The following NRCAM variants were observed in gnomAD, a reference collection of about 807,000 sequenced individuals.
NRCAM encodes NgCAM-related cell adhesion molecule.
In NRCAM, 83 loss-of-function variants were observed where a neutral mutation model predicts 156.5. The ratio of observed to expected loss-of-function variants is 0.53; its 90% CI spans 0.44 to 0.64. NRCAM has a LOEUF of 0.64. Ranked by LOEUF, NRCAM falls within the 30% of genes least tolerant of loss-of-function variation. The pLI, the probability that NRCAM is intolerant of heterozygous loss-of-function variation, is 0.00. For missense variants in NRCAM, 1,417 were observed against 1,597.3 expected (o/e 0.89, Z 1.92); for synonymous variants, 538 against 563.9 (o/e 0.95, Z 0.65).
chr7:108,265,797 T>C (rs2097082296), intron 3 of NRCAM, among the ~76,000 whole-genome samples: 1 of 152,238 alleles, frequency 6.6e-6, no homozygotes, highest in Non-Finnish European at 1.5e-5. Flanking sequence ...TCTTTAAGAA[T>C]TAACTGGCAC....
intron 29 of NRCAM, 139 bp downstream of exon 29, chr7:108,168,138 A>T: frequency 1.1e-6 from 1 of 925,326 alleles, no homozygotes; most frequent in Non-Finnish European, 1.5e-6. Flanking sequence ...GTTCACTATA[A>T]TTTTTTTAGA....
At chr7:108,344,932 G>A (rs975217238) in intron 2 of NRCAM, among the ~76,000 whole-genome samples, 2 of 152,106 alleles carry the variant, frequency 1.3e-5, no homozygotes, top group Admixed American at 6.5e-5. Flanking sequence ...ATGAAGTCAA[G>A]GATAAGGGGG....
chr7:108,193,964 T>C (rs2073689914), intron 17 of NRCAM, 60 bp downstream of exon 17: 7 of 1,538,194 alleles, frequency 4.6e-6, no homozygotes, highest in Non-Finnish European at 4.4e-6. Context: ...AGTAGACCTT[T>C]AGTTCAAGAA....
At chr7:108,360,528 G>A (rs113961507) in intron 2 of NRCAM, among the ~76,000 whole-genome samples, 37 of 152,160 alleles carry the variant, frequency 2.4e-4, no homozygotes, top group African/African-American at 8.9e-4. Flanking sequence ...AAGAGACCCA[G>A]AATAGCCAAA....
rs1211541432 is a variant in NRCAM, at chr7:108,180,419, A to G, written c.2655T>C (p.Tyr885=). The G allele has an allele frequency of 6.2e-7, 1 of 1,613,962 alleles. No homozygotes were observed. The highest frequency in any genetic ancestry group is 1.3e-5 in the African/African-American group (1 of 75,064). Residue 885 remains tyrosine, a synonymous_variant, in exon 25 of 33, where the codon TAT becomes TAC. Coordinates refer to ENST00000379028, the MANE Select transcript of NRCAM (RefSeq NM_001037132.4). The part of the protein sequence containing the change: ...RGHLQGYRIY[Y]WKTQSSSKRN... Reference sequence around the variant, plus strand: ...TTTTAGATGAACTCTGGGTCTTCCAATAGTAAATCTGAAACAGCAAGAACG... The same window carrying G: ...TTTTAGATGAACTCTGGGTCTTCCAGTAGTAAATCTGAAACAGCAAGAACG...
intron 32 of NRCAM, chr7:108,156,482 C>G: frequency 1.1e-6 from 1 of 944,946 alleles, no homozygotes; most frequent in Non-Finnish European, 1.3e-6. Flanking sequence ...AAGAAAGCTG[C>G]AGGCTTCCAA....
intron 2 of NRCAM, among the ~76,000 whole-genome samples, chr7:108,351,948 GA>G (rs924033681): frequency 2.2e-4 from 33 of 152,326 alleles, no homozygotes; most frequent in African/African-American, 7.7e-4. Flanking sequence ...AGAATGCAGA[GA>G]CATCTGTGCT....
intron 31 of NRCAM, among the ~76,000 whole-genome samples, chr7:108,159,827 T>C (rs569976310): frequency 1.2e-4 from 19 of 152,336 alleles, no homozygotes; most frequent in African/African-American, 4.1e-4. Flanking sequence ...AATCTATTTG[T>C]TAACTATATT....
intron 1 of NRCAM, among the ~76,000 whole-genome samples, chr7:108,437,251 G>A (rs780511561): frequency 2.0e-5 from 3 of 152,114 alleles, no homozygotes; most frequent in East Asian, 3.8e-4. Flanking sequence ...GAAAGTAGGA[G>A]GATGGTTACC....
At chr7:108,386,044 G>A (rs560082131) in intron 2 of NRCAM, among the ~76,000 whole-genome samples, 107 of 152,144 alleles carry the variant, frequency 7.0e-4, no homozygotes, top group African/African-American at 2.3e-3. Context: ...CCTCAGTTCC[G>A]CTTGGTTTCT....
At chr7:108,268,867 A>T (rs1253702586) in intron 3 of NRCAM, among the ~76,000 whole-genome samples, 4 of 152,244 alleles carry the variant, frequency 2.6e-5, no homozygotes, top group Non-Finnish European at 5.9e-5. Flanking sequence ...TACTCTTCTT[A>T]CATGCATGGC....
chr7:108,343,573 T>C (rs189833723), intron 2 of NRCAM, among the ~76,000 whole-genome samples: 60 of 152,274 alleles, frequency 3.9e-4, no homozygotes, highest in Non-Finnish European at 7.4e-4. Context: ...CAAGCCCCAG[T>C]ACTCAAAAGA....
intron 2 of NRCAM, among the ~76,000 whole-genome samples, chr7:108,392,730 C>T (rs1269113031): frequency 6.6e-6 from 1 of 152,110 alleles, no homozygotes; most frequent in Non-Finnish European, 1.5e-5. Context: ...ATGATGGTGA[C>T]GTACAGATGG....
At position 108,455,020 on chromosome 7, in the gene NRCAM, C is replaced by A. The variant is rs567470096; in HGVS notation, c.-332+1223G>T. 2.6e-5 allele frequency among the ~76,000 whole-genome samples: 4 copies of A among 152,156 alleles called. No individual in the cohort carries two copies. In the East Asian group the frequency reaches 5.8e-4, roughly 22 times the overall value. Reference sequence around the variant, plus strand: ...CTCGGTGCCCGCGGCGCAGGGGCCACCCGCCAGCGTACGGGGGACGAAGAT... The same window carrying A: ...CTCGGTGCCCGCGGCGCAGGGGCCAACCGCCAGCGTACGGGGGACGAAGAT... On this transcript the variant is annotated intron_variant, in intron 1 of 32. Transcript: ENST00000379028.
intron 1 of NRCAM, among the ~76,000 whole-genome samples, chr7:108,426,067 A>C (rs933745136): frequency 4.6e-5 from 7 of 152,266 alleles, no homozygotes; most frequent in Admixed American, 1.3e-4. Context: ...CAGATTTTCA[A>C]GAGAGTACAG....
chr7:108,174,012 C>T (rs1441679260), intron 28 of NRCAM, among the ~76,000 whole-genome samples: 2 of 152,084 alleles, frequency 1.3e-5, no homozygotes, highest in African/African-American at 2.4e-5. Flanking sequence ...ATGTCCACTG[C>T]ATAGGAAACA....
chr7:108,167,180 G>T (rs956856796), intron 29 of NRCAM, 107 bp from the exon 30 acceptor site: 1 of 756,114 alleles, frequency 1.3e-6, no homozygotes, highest in Non-Finnish European at 2.1e-6. Flanking sequence ...CAAGATGTAG[G>T]ATGCTTAGGT....
intron 2 of NRCAM, among the ~76,000 whole-genome samples, chr7:108,378,080 AT>A (rs2099683854): frequency 1.3e-5 from 2 of 152,220 alleles, no homozygotes; most frequent in Admixed American, 6.5e-5. Context: ...TAATTTCATA[AT>A]TTTTAAAAAA....
chr7:108,154,207 CAGAG>C (rs1330438130), intron 32 of NRCAM, among the ~76,000 whole-genome samples: 7 of 152,076 alleles, frequency 4.6e-5, no homozygotes, highest in Non-Finnish European at 1.0e-4. Flanking sequence ...AGTCTTGGTG[CAGAG>C]ATAGACAGAT....
Sources: allele counts gnomAD v4.1 joint callset (sites outside exome capture counted in the v4.1 genomes callset), GRCh38; gene constraint gnomAD v4.1.1; transcripts MANE v1.5; gene names NCBI Gene and HGNC (gene_info 2026-07-23, HGNC 2026-07-21).